LSR: variants seen among roughly 807,000 people sequenced by gnomAD.
LSR encodes lipolysis stimulated lipoprotein receptor.
A neutral mutation model predicts 61.8 loss-of-function variants in LSR; 44 were observed. The observed-to-expected ratio is 0.71, with a 90% CI of 0.56 to 0.91. The LOEUF (loss-of-function observed/expected upper bound fraction) is 0.91, where lower values mean the gene tolerates loss of function less well. LSR is among the 40% of genes least tolerant of loss of function. The pLI, the probability that LSR is intolerant of heterozygous loss-of-function variation, is 0.00. For synonymous variants in LSR, 397 were observed against 350.6 expected, an observed-to-expected ratio of 1.13 and a Z score of -1.48; for missense variants, 911 against 830.5, an observed-to-expected ratio of 1.10 and a Z score of -1.19.
intron 2 of LSR, among the ~76,000 whole-genome samples, chr19:35,258,622 AAAC>A (rs1335554251): frequency 3.3e-5 from 5 of 152,018 alleles, no homozygotes; most frequent in Non-Finnish European, 5.9e-5. Context: ...AGAAAAAAAA[AAAC>A]AACCTCAGGC....
intron 2 of LSR, among the ~76,000 whole-genome samples, chr19:35,255,606 A>G (rs77124190): frequency 6.6e-6 from 1 of 152,044 alleles, no homozygotes; most frequent in South Asian, 2.1e-4. Flanking sequence ...AACAACACCA[A>G]CAACAAAAAA....
chr19:35,250,807 T>TG, intron 2 of LSR, 148 bp downstream of exon 2: 1 of 604,280 alleles, frequency 1.7e-6, no homozygotes, highest in Non-Finnish European at 2.7e-6. Context: ...TTTTTTTTTT[T>TG]TTTTTGAAGA....
In LSR at chr19:35,259,140, C is replaced by T. The variant is rs748168405; in HGVS notation, c.574+76C>T. ...TGTTCTGTCTGCCCTCCCCTGTGTC[C>T]GCCCTCTGCCCTCCAGCTTACCCTC... On this transcript the variant is annotated intron_variant, in intron 3 of 9. Coordinates refer to ENST00000605618, the MANE Select transcript of LSR (RefSeq NM_205834.4). 607 of 1,537,352 alleles carry T rather than the reference C, an allele frequency of 3.9e-4. 1 individual carries two copies. Among genetic ancestry groups the T allele is most frequent in the Non-Finnish European group, 3.9e-4 (442 of 1,137,126 alleles).
chr19:35,266,656 C>T (rs1409414918), intron 6 of LSR, 23 bp from the exon 7 acceptor site: 1 of 1,602,980 alleles, frequency 6.2e-7, no homozygotes. Context: ...GGTGCGCGGC[C>T]ACTGACAGCC....
chr19:35,267,504 G>A lies in LSR; in HGVS notation c.1540G>A (p.Ala514Thr). 6.2e-7 allele frequency: 1 copy of A among 1,611,488 alleles called. No homozygotes were observed. The highest frequency in any genetic ancestry group is 8.5e-7 in the Non-Finnish European group (1 of 1,179,658). The change falls in exon 9 of 10, where the codon GCC becomes ACC. Residue 514 changes from alanine (A) to threonine (T), a missense_variant. Physicochemically the swap from Ala to Thr is moderately conservative, Grantham distance 58. Transcript: ENST00000605618. ...CTTCAGGTCTCGGGAGCGCCCTCCT[G>A]CCGACCCCAGGTCCCACCACCACCG... ...DDFRSRERPP[A>T]DPRSHHHRTR...
rs745967687 is a variant in LSR, at chr19:35,250,405, T to A, written c.200T>A (p.Met67Lys). 6.2e-7 allele frequency: 1 copy of A among 1,613,628 alleles called. No homozygotes were observed. Among genetic ancestry groups the A allele is most frequent in the Admixed American group, 1.7e-5 (1 of 59,954 alleles). ...QPVTLPCTYQ[M>K]TSTPTQPIVI... is the part of the protein sequence containing the mutation. ...GTGACCCTGCCCTGTACCTACCAGA[T>A]GACCTCGACCCCCACGCAACCCATC... Residue 67 changes from methionine (M) to lysine (K), a missense_variant, in exon 2 of 10, where the codon ATG becomes AAG. Coordinates refer to ENST00000605618, the MANE Select transcript of LSR (RefSeq NM_205834.4).
intron 5 of LSR, 71 bp downstream of exon 5, chr19:35,262,763 A>C: frequency 1.9e-6 from 3 of 1,567,572 alleles, no homozygotes; most frequent in Non-Finnish European, 2.6e-6. Context: ...GTGGCCATCC[A>C]CCTGCCCCCA....
In LSR at chr19:35,267,241, A is replaced by C. The variant is rs776598826; in HGVS notation, c.1277A>C (p.Glu426Ala). The change falls in exon 9 of 10, where the codon GAG becomes GCG. Residue 426 changes from glutamate (E) to alanine (A), a missense_variant. Transcript: ENST00000605618. ...CGGAGTCCCAGGGGATGGGACCAGGAGCCCGCCAGGGAGCAGGCAGGCGGG... is the reference window on the plus strand; with the variant it reads ...CGGAGTCCCAGGGGATGGGACCAGGCGCCCGCCAGGGAGCAGGCAGGCGGG... ...SPRSPRGWDQEPAREQAGGGW... is the reference protein window; with the variant it reads ...SPRSPRGWDQAPAREQAGGGW... 7 of 1,532,418 alleles carry C rather than the reference A, an allele frequency of 4.6e-6. No individual in the cohort carries two copies. The African/African-American group carries it at 9.7e-5, about 21-fold the overall frequency. 94.9% of individuals were successfully genotyped at this position (1,532,418 alleles called of 1,614,324 possible). A position where few individuals can be genotyped will look rare whatever the true frequency, so the allele number is the denominator to read the frequency against.
intron 2 of LSR, among the ~76,000 whole-genome samples, chr19:35,254,388 GC>G (rs1175718304): frequency 6.6e-6 from 1 of 152,206 alleles, no homozygotes; most frequent in Admixed American, 6.5e-5. Flanking sequence ...GAGCCACCAT[GC>G]CCGGCCTATC....
At chr19:35,265,677 C>T (rs142693494) in intron 5 of LSR, among the ~76,000 whole-genome samples, 12 of 151,848 alleles carry the variant, frequency 7.9e-5, no homozygotes, top group Non-Finnish European at 1.5e-4. Flanking sequence ...AACTGTCAAG[C>T]CTAGAGCCTG....
At chr19:35,262,995 T>A in intron 5 of LSR, 2 of 297,710 alleles carry the variant, frequency 6.7e-6, no homozygotes, top group East Asian at 1.4e-4. Flanking sequence ...AAAAACCAAA[T>A]CTTGGCTAGG....
intron 2 of LSR, chr19:35,253,526 G>T (rs10153449): frequency 0.089 from 13,492 of 152,296 alleles, 798 homozygotes; most frequent in Non-Finnish European, 0.13. Flanking sequence ...TTTAAAGTTG[G>T]GCATGGGGCA....
chr19:35,259,279 C>A (rs1318987341), intron 3 of LSR: 1 of 495,510 alleles, frequency 2.0e-6, no homozygotes, highest in South Asian at 2.8e-5. Flanking sequence ...ATCACCCAAG[C>A]CAAACTAAGA....
chr19:35,258,893 G>T, intron 2 of LSR, 52 bp from the exon 3 acceptor site: 2 of 1,611,046 alleles, frequency 1.2e-6, no homozygotes, highest in East Asian at 2.2e-5. Flanking sequence ...CCCTCCAGGG[G>T]TTAGGTGCCC....
chr19:35,267,030 T>C lies in LSR; in HGVS notation c.1144+63T>C, dbSNP rs2066014061. 3.8e-6 allele frequency: 6 copies of C among 1,565,800 alleles called. No homozygotes were observed. The Admixed American group carries it at 9.5e-5, about 25-fold the overall frequency. On this transcript the variant is annotated intron_variant, in intron 8 of 9. Transcript: ENST00000605618. ...GGGGGGGTGAAACATGTCTCCCTGA[T>C]ACCTGCCGCAGGGACTCTTGGTGCA...
At chr19:35,258,433 A>G (rs1161184653) in intron 2 of LSR, among the ~76,000 whole-genome samples, 1 of 149,910 alleles carries the variant, frequency 6.7e-6, no homozygotes, top group African/African-American at 2.4e-5. Flanking sequence ...CCTGGGCAAC[A>G]AGAGTGAAAC....
intron 2 of LSR, among the ~76,000 whole-genome samples, chr19:35,257,534 CATTCCTG>C (rs2065870883): frequency 6.6e-6 from 1 of 152,160 alleles, no homozygotes; most frequent in Admixed American, 6.5e-5. Context: ...AGGGTTCTTT[CATTCCTG>C]GGGGTGCCAG....
At chr19:35,256,961 A>G (rs1248016195) in intron 2 of LSR, among the ~76,000 whole-genome samples, 1 of 151,692 alleles carries the variant, frequency 6.6e-6, no homozygotes, top group Non-Finnish European at 1.5e-5. Flanking sequence ...CTCAGCCTCC[A>G]GGGTAGCTGG....
Position 35,267,185 on chromosome 19 carries a change from C to T in LSR, c.1221C>T (p.Ile407=), listed in dbSNP as rs1405492584. 6.6e-7 allele frequency: 1 copy of T among 1,524,374 alleles called. No homozygotes were observed. The highest frequency in any genetic ancestry group is 1.4e-5 in the African/African-American group (1 of 71,908). The allele number at this position is 1,524,374 out of a possible 1,614,324, so 94.4% of individuals were successfully genotyped here. The change falls in exon 9 of 10, where the codon ATC becomes ATT. Residue 407 remains isoleucine, a synonymous_variant. Transcript: ENST00000605618. ...RPSRGPALTP[I]RDEEWGGHSP... ...CCCGGGGCCCTGCCCTCACCCCGAT[C>T]CGGGATGAGGAGTGGGGTGGCCACT...
Sources: allele counts gnomAD v4.1 joint callset (sites outside exome capture counted in the v4.1 genomes callset), GRCh38; gene constraint gnomAD v4.1.1; transcripts MANE v1.5; gene names NCBI Gene and HGNC (gene_info 2026-07-23, HGNC 2026-07-21).